Variants in MYO1B observed in about 807,000 individuals in gnomAD.
MYO1B encodes the protein unconventional myosin-Ib.
In MYO1B, 72 loss-of-function variants were observed where a neutral mutation model predicts 159.7. The observed-to-expected ratio is 0.45, with a 90% CI of 0.37 to 0.55. MYO1B has a LOEUF of 0.55. Ranked by LOEUF, MYO1B falls within the 20% of genes least tolerant of loss-of-function variation. The pLI, the probability that MYO1B is intolerant of heterozygous loss-of-function variation, is 0.00. For missense variants in MYO1B, 1,062 were observed against 1,364.8 expected (o/e 0.78, Z 3.50); for synonymous variants, 468 against 473.8 (o/e 0.99, Z 0.16).
intron 15 of MYO1B, 36 bp from the exon 16 acceptor site, chr2:191,385,847 AG>A: frequency 6.3e-7 from 1 of 1,599,016 alleles, no homozygotes; most frequent in Non-Finnish European, 8.6e-7. Context: ...CAATATAGTG[AG>A]GAAGGAAGGA....
intron 3 of MYO1B, among the ~76,000 whole-genome samples, chr2:191,318,385 A>G (rs1029400735): frequency 6.6e-6 from 1 of 152,218 alleles, no homozygotes; most frequent in Admixed American, 6.5e-5. Context: ...GTAACCAGAA[A>G]TCAGTCTGAG....
intron 30 of MYO1B, among the ~76,000 whole-genome samples, chr2:191,419,801 T>A (rs1000965325): frequency 2.0e-5 from 3 of 152,044 alleles, no homozygotes; most frequent in Non-Finnish European, 4.4e-5. Context: ...ATAAAAAAAA[T>A]TAAAATTTTA....
chr2:191,290,558 T>C (rs1403763256), intron 2 of MYO1B, among the ~76,000 whole-genome samples: 6 of 152,246 alleles, frequency 3.9e-5, no homozygotes, highest in Non-Finnish European at 7.3e-5. Context: ...GTATCACATA[T>C]AGTAAAGGGT....
intron 5 of MYO1B, among the ~76,000 whole-genome samples, chr2:191,343,765 G>C (rs763534647): frequency 1.7e-4 from 26 of 152,138 alleles, no homozygotes; most frequent in Non-Finnish European, 3.5e-4. Flanking sequence ...TTGGAACTAG[G>C]CTCCAGTGCA....
At chr2:191,251,799 C>T (rs1436327672) in intron 1 of MYO1B, among the ~76,000 whole-genome samples, 1 of 152,190 alleles carries the variant, frequency 6.6e-6, no homozygotes, top group Non-Finnish European at 1.5e-5. Flanking sequence ...ACTTAATTTT[C>T]ACTGGTTACA....
intron 3 of MYO1B, among the ~76,000 whole-genome samples, chr2:191,324,816 GT>G (rs1237487438): frequency 6.6e-6 from 1 of 152,076 alleles, no homozygotes; most frequent in Non-Finnish European, 1.5e-5. Flanking sequence ...TTTCCCTAAA[GT>G]TTTACCTTAA....
At chr2:191,365,848 C>T (rs759840136) in intron 11 of MYO1B, among the ~76,000 whole-genome samples, 4 of 152,164 alleles carry the variant, frequency 2.6e-5, no homozygotes, top group Non-Finnish European at 5.9e-5. Context: ...AGCAATATGG[C>T]TGGAAAGGTG....
In MYO1B at chr2:191,414,070, G is replaced by A. The variant is rs1401949756; in HGVS notation, c.2896G>A (p.Ala966Thr). Residue 966 changes from alanine (A) to threonine (T), a missense_variant, in exon 28 of 31, where the codon GCT becomes ACT. Physicochemically the swap from Ala to Thr is moderately conservative, Grantham distance 58. Transcript: ENST00000392318. The stretch of plus-strand genomic sequence containing the variant: ...TAGTGTTGGGCAACCATTCCAAGGG[G>A]CTTACCTGGAAATCAACAAGAACCC... ...PSSVGQPFQGAYLEINKNPKY... is the reference protein window; with the variant it reads ...PSSVGQPFQGTYLEINKNPKY... The A allele has an allele frequency of 6.2e-7, 1 of 1,611,470 alleles. No homozygotes were observed. Among genetic ancestry groups the A allele is most frequent in the Non-Finnish European group, 8.5e-7 (1 of 1,178,972 alleles).
intron 6 of MYO1B, among the ~76,000 whole-genome samples, chr2:191,349,915 A>G (rs969852184): frequency 1.3e-5 from 2 of 152,232 alleles, no homozygotes; most frequent in African/African-American, 4.8e-5. Flanking sequence ...GAAAAATCAC[A>G]TGATGGCTGA....
At chr2:191,245,887 G>A (rs1685754727) in intron 1 of MYO1B, 1 of 152,300 alleles carries the variant, frequency 6.6e-6, no homozygotes, top group African/African-American at 2.4e-5. Context: ...TGTAAACTAA[G>A]TTGCTCTTAC....
At chr2:191,358,248 C>T (rs1693428703) in intron 7 of MYO1B, among the ~76,000 whole-genome samples, 1 of 152,156 alleles carries the variant, frequency 6.6e-6, no homozygotes, top group African/African-American at 2.4e-5. Context: ...AAACCAACCT[C>T]AGGGAAGGTG....
intron 21 of MYO1B, among the ~76,000 whole-genome samples, chr2:191,397,142 T>TTC (rs1204854522): frequency 2.4e-5 from 3 of 126,712 alleles, no homozygotes; most frequent in African/African-American, 1.1e-4. Context: ...TTTTTTTTTT[T>TTC]TTTTTTTTTT....
chr2:191,358,926 C>T (rs1009205263), intron 7 of MYO1B, among the ~76,000 whole-genome samples: 3 of 152,192 alleles, frequency 2.0e-5, no homozygotes, highest in Admixed American at 6.5e-5. Flanking sequence ...GCACATAGTG[C>T]GTTAGCAGTA....
chr2:191,248,453 C>T (rs1368675094), intron 1 of MYO1B, among the ~76,000 whole-genome samples: 1 of 152,190 alleles, frequency 6.6e-6, no homozygotes, highest in Non-Finnish European at 1.5e-5. Context: ...TCACATTAGC[C>T]TACAGTTGGG....
At chr2:191,398,981 G>T (rs529098471) in intron 21 of MYO1B, among the ~76,000 whole-genome samples, 8 of 152,348 alleles carry the variant, frequency 5.3e-5, no homozygotes, top group Admixed American at 2.6e-4. Flanking sequence ...GCACCATTGA[G>T]CACTGAGTGA....
intron 1 of MYO1B, among the ~76,000 whole-genome samples, chr2:191,268,301 C>T (rs1180957543): frequency 6.6e-6 from 1 of 152,156 alleles, no homozygotes; most frequent in African/African-American, 2.4e-5. Flanking sequence ...TGTCTTCACA[C>T]TACAGAGAAA....
intron 24 of MYO1B, among the ~76,000 whole-genome samples, chr2:191,405,604 G>A (rs1488729454): frequency 6.6e-6 from 1 of 152,212 alleles, no homozygotes; most frequent in Admixed American, 6.5e-5. Flanking sequence ...TGTTGTGTTA[G>A]CAGGCATGAA....
At chr2:191,285,707 G>A (rs1347633641) in intron 2 of MYO1B, among the ~76,000 whole-genome samples, 1 of 152,204 alleles carries the variant, frequency 6.6e-6, no homozygotes, top group African/African-American at 2.4e-5. Flanking sequence ...GGAGTAGAAA[G>A]TGAGGGAACC....
intron 3 of MYO1B, among the ~76,000 whole-genome samples, chr2:191,302,794 T>G (rs1283750615): frequency 6.6e-6 from 1 of 152,220 alleles, no homozygotes; most frequent in Non-Finnish European, 1.5e-5. Flanking sequence ...ATGTTAAAAC[T>G]TAGACAAGTG....
Sources: allele counts gnomAD v4.1 joint callset (sites outside exome capture counted in the v4.1 genomes callset), GRCh38; gene constraint gnomAD v4.1.1; transcripts MANE v1.5; gene names NCBI Gene and HGNC (gene_info 2026-07-23, HGNC 2026-07-21).